Variants in S100Z observed in about 807,000 individuals in gnomAD.
S100Z encodes protein S100-Z.
Under a neutral mutation model 8.5 loss-of-function variants are expected in S100Z, and 11 were observed. That is an observed-to-expected ratio of 1.30 (90% CI 0.82 to 2.15). The LOEUF (loss-of-function observed/expected upper bound fraction) is 2.15. S100Z is among the 30% of genes most tolerant of loss of function. S100Z has a pLI of 0.00. For missense variants in S100Z, 126 were observed against 117.9 expected (o/e 1.07, Z -0.32); for synonymous variants, 34 against 43.8 (o/e 0.78, Z 0.89).
In S100Z at chr5:76,909,571, C is replaced by T. The variant is rs186254774; in HGVS notation, c.*3-11146C>T. On this transcript the variant is annotated intron_variant, in intron 4 of 4. Transcript: ENST00000317593. Reference sequence around the variant, plus strand: ...AGCTTACCCCCTTATCCTAGCCTCCCTATAGCTCCCCTTCCTATTAATGAT... The same window carrying T: ...AGCTTACCCCCTTATCCTAGCCTCCTTATAGCTCCCCTTCCTATTAATGAT... 1.1e-4 allele frequency among the ~76,000 whole-genome samples: 16 copies of T among 152,238 alleles called. No homozygotes were observed. The East Asian group carries it at 2.9e-3, about 28-fold the overall frequency.
chr5:76,952,919 G>C, the S100Z span: 1 of 557,716 alleles, frequency 1.8e-6, no homozygotes, highest in East Asian at 2.9e-5. Context: ...CTGGACCCTC[G>C]TCATCGCCAC....
chr5:76,912,593 A>G (rs1744706759), intron 4 of S100Z, among the ~76,000 whole-genome samples: 2 of 152,252 alleles, frequency 1.3e-5, no homozygotes, highest in Admixed American at 6.5e-5. Flanking sequence ...ACGGATAGCA[A>G]ATGTGCTTAT....
the S100Z span, among the ~76,000 whole-genome samples, chr5:76,942,732 G>T: frequency 6.6e-6 from 1 of 152,160 alleles, no homozygotes. Context: ...TGTTGATTCA[G>T]TTTAGAAATA....
At chr5:76,886,089 T>C (rs751265909) in intron 4 of S100Z, among the ~76,000 whole-genome samples, 8 of 147,962 alleles carry the variant, frequency 5.4e-5, no homozygotes, top group Non-Finnish European at 1.2e-4. Flanking sequence ...GGTGGAGACA[T>C]GGAGAGAAGG....
rs1369264857 is a variant in S100Z, at chr5:76,877,670, T to C, written c.142-4T>C. The stretch of plus-strand genomic sequence containing the variant: ...GGAGTTAGAAATTTCCTTTCTCATT[T>C]TAGTGCCAAAAGGAAACCCAGTTGG... On this transcript the variant is annotated splice_polypyrimidine_tract_variant and splice_region_variant and intron_variant, in intron 3 of 4. Transcript: ENST00000317593. 6.3e-7 allele frequency: 1 copy of C among 1,588,622 alleles called. No individual in the cohort carries two copies. Among genetic ancestry groups the C allele is most frequent in the Non-Finnish European group, 8.6e-7 (1 of 1,160,326 alleles).
At chr5:76,936,596 CA>C in the S100Z span, among the ~76,000 whole-genome samples, 1 of 148,090 alleles carries the variant, frequency 6.8e-6, no homozygotes, top group African/African-American at 2.5e-5. Context: ...TACTCTCTCC[CA>C]AAACTCCATT....
chr5:76,890,343 T>A (rs905879056), intron 4 of S100Z, among the ~76,000 whole-genome samples: 1 of 152,120 alleles, frequency 6.6e-6, no homozygotes, highest in African/African-American at 2.4e-5. Flanking sequence ...ATTTTGAAAA[T>A]ATATATTTCT....
intron 1 of S100Z, among the ~76,000 whole-genome samples, chr5:76,857,955 C>G (rs1057004496): frequency 3.3e-5 from 5 of 152,212 alleles, no homozygotes; most frequent in African/African-American, 1.2e-4. Context: ...TTTTCCTTAG[C>G]TAACTTAAAA....
intron 1 of S100Z, among the ~76,000 whole-genome samples, chr5:76,852,086 A>G (rs1033482066): frequency 3.3e-5 from 5 of 150,598 alleles, no homozygotes; most frequent in African/African-American, 1.2e-4. Context: ...AAGTTCTGGG[A>G]GCTCTGAGCC....
the S100Z span, among the ~76,000 whole-genome samples, chr5:76,930,772 A>T: frequency 2.6e-5 from 4 of 152,184 alleles, no homozygotes; most frequent in Non-Finnish European, 5.9e-5. Flanking sequence ...ATTGACCATT[A>T]TGTCTGAAGT....
intron 4 of S100Z, among the ~76,000 whole-genome samples, chr5:76,916,160 CAA>C (rs60866296): frequency 3.6e-4 from 24 of 66,820 alleles, no homozygotes; most frequent in Admixed American, 7.2e-4. Context: ...GACTCCATCT[CAA>C]AAAAAAAAAA....
chr5:76,911,089 A>G (rs1410280638), intron 4 of S100Z, among the ~76,000 whole-genome samples: 1 of 152,226 alleles, frequency 6.6e-6, no homozygotes, highest in Non-Finnish European at 1.5e-5. Flanking sequence ...CATTGGAAGG[A>G]CAATTTGGAA....
intron 4 of S100Z, among the ~76,000 whole-genome samples, 164 bp from the exon 5 acceptor site, chr5:76,920,553 G>A (rs1580072003): frequency 6.6e-6 from 1 of 152,146 alleles, no homozygotes; most frequent in Non-Finnish European, 1.5e-5. Context: ...GACTGTAATG[G>A]AGCGCTCCTC....
chr5:76,933,231 CT>C, the S100Z span, among the ~76,000 whole-genome samples: 4 of 152,186 alleles, frequency 2.6e-5, no homozygotes, highest in Non-Finnish European at 5.9e-5. Flanking sequence ...TTCCCATCTC[CT>C]GTTCTCTACT....
chr5:76,902,231 A>ATGTT (rs2150671254), intron 4 of S100Z, among the ~76,000 whole-genome samples: 1 of 152,256 alleles, frequency 6.6e-6, no homozygotes, highest in South Asian at 2.1e-4. Flanking sequence ...ATGTCTCAGT[A>ATGTT]TGTTGCATGC....
At chr5:76,884,793 G>T (rs1198576908) in intron 4 of S100Z, among the ~76,000 whole-genome samples, 5 of 152,120 alleles carry the variant, frequency 3.3e-5, no homozygotes, top group African/African-American at 1.2e-4. Flanking sequence ...ATTGGGACCT[G>T]GCTTGGCCTG....
chr5:76,886,261 CTG>C (rs1230143859), intron 4 of S100Z, among the ~76,000 whole-genome samples: 2 of 152,318 alleles, frequency 1.3e-5, no homozygotes, highest in East Asian at 1.9e-4. Flanking sequence ...CTTCCCGAGT[CTG>C]TGACCTGCGC....
chr5:76,873,525 C>T (rs1185438786), intron 2 of S100Z, among the ~76,000 whole-genome samples: 5 of 152,024 alleles, frequency 3.3e-5, no homozygotes, highest in Non-Finnish European at 7.4e-5. Flanking sequence ...TCAGGGTGGT[C>T]TCGAACTCCT....
chr5:76,935,764 A>G, the S100Z span, among the ~76,000 whole-genome samples: 2 of 149,520 alleles, frequency 1.3e-5, no homozygotes, highest in East Asian at 3.9e-4. Context: ...GACTCAAAAT[A>G]ATGACTTTTT....
Sources: gnomAD v4.1 joint callset for allele counts (sites outside exome capture counted in the v4.1 genomes callset) on GRCh38, gnomAD v4.1.1 for gene constraint, MANE v1.5 for transcripts, NCBI Gene and HGNC (gene_info 2026-07-23, HGNC 2026-07-21) for gene names.